The following DCLK3 variants were observed in gnomAD, a reference collection of about 807,000 sequenced individuals.
The protein encoded by DCLK3 is doublecortin like kinase 3, also known as serine/threonine-protein kinase DCLK3.
A neutral mutation model predicts 46.4 loss-of-function variants in DCLK3; 30 were observed. The ratio of observed to expected loss-of-function variants is 0.65; its 90% confidence interval spans 0.48 to 0.88. DCLK3 has a LOEUF of 0.88. DCLK3 is among the 40% of genes least tolerant of loss of function. The pLI, the probability that DCLK3 is intolerant of heterozygous loss-of-function variation, is 0.00. For missense variants in DCLK3, 846 were observed against 907.1 expected (o/e 0.93, Z 0.87); for synonymous variants, 401 against 339.2 (o/e 1.18, Z -2.00).
At chr3:36,748,096 A>G (rs571046574) in intron 1 of DCLK3, among the ~76,000 whole-genome samples, 1 of 152,314 alleles carries the variant, frequency 6.6e-6, no homozygotes, top group South Asian at 2.1e-4. Flanking sequence ...ACCCAAACTG[A>G]GACCCAGGAT....
At chr3:36,744,373 G>A (rs1207279689) in intron 1 of DCLK3, among the ~76,000 whole-genome samples, 1 of 152,236 alleles carries the variant, frequency 6.6e-6, no homozygotes, top group Non-Finnish European at 1.5e-5. Flanking sequence ...ATCTGCGACA[G>A]GAAATTTGAC....
At chr3:36,736,740 G>A (rs1035538752) in intron 2 of DCLK3, among the ~76,000 whole-genome samples, 11 of 152,184 alleles carry the variant, frequency 7.2e-5, no homozygotes, top group Admixed American at 5.9e-4. Flanking sequence ...AGCCTCATCG[G>A]CACTCCTTAC....
intron 1 of DCLK3, among the ~76,000 whole-genome samples, chr3:36,751,115 G>A (rs868488): frequency 0.78 from 113,231 of 145,966 alleles, 44,002 homozygotes; most frequent in Middle Eastern, 0.83. Context: ...GATTCCAAAC[G>A]AAGAAGAGTG....
intron 2 of DCLK3, among the ~76,000 whole-genome samples, chr3:36,734,292 G>A (rs573776575): frequency 5.3e-5 from 8 of 152,276 alleles, no homozygotes; most frequent in East Asian, 3.9e-4. Context: ...ACATCAGATA[G>A]CATTTAGACT....
chr3:36,720,008 G>T (rs1701035666), intron 3 of DCLK3, among the ~76,000 whole-genome samples: 1 of 152,176 alleles, frequency 6.6e-6, no homozygotes, highest in Non-Finnish European at 1.5e-5. Context: ...ATACGGTTTG[G>T]ATATTTGTCC....
chr3:36,738,207 G>A lies in DCLK3; in HGVS notation c.960C>T (p.Ser320=). Residue 320 remains serine, a synonymous_variant, in exon 2 of 5, where the codon AGC becomes AGT. Transcript: ENST00000636136. ...CCAGAGAAAGCCTCTCACGCTCCAG[G>A]CTCTGCTGGAGCTCCCTCTCTCTCT... The part of the protein sequence containing the change: ...KCKRERELQQ[S]LERERLSLGT... The A allele has an allele frequency of 1.2e-6, 2 of 1,610,668 alleles. No homozygotes were observed. Among genetic ancestry groups the A allele is most frequent in the Non-Finnish European group, 1.7e-6 (2 of 1,179,094 alleles).
rs756567806 is a variant in DCLK3 at position 36,715,543 on chromosome 3, A to G, written c.2261-22T>C. ...GCAGCTGTTGGAATGAGAGAAGGGG[A>G]AAATGTGATGAATGCAGGTGGTTCT... On this transcript the variant is annotated intron_variant, in intron 4 of 4. Coordinates refer to ENST00000636136, the MANE Select transcript of DCLK3 (RefSeq NM_001394672.2). The G allele has an allele frequency of 4.0e-6, 6 of 1,513,478 alleles. No individual in the cohort carries two copies. The South Asian group carries it at 6.7e-5, about 17-fold the overall frequency. 93.8% of individuals were successfully genotyped at this position (1,513,478 alleles called of 1,614,324 possible). A position where few individuals can be genotyped will look rare whatever the true frequency, so the allele number is the denominator to read the frequency against.
At chr3:36,746,382 T>C (rs1239750092) in intron 1 of DCLK3, among the ~76,000 whole-genome samples, 1 of 152,238 alleles carries the variant, frequency 6.6e-6, no homozygotes, top group Non-Finnish European at 1.5e-5. Flanking sequence ...ATCATGAGTT[T>C]TACGTACTGC....
chr3:36,764,333 G>C lies in DCLK3; in HGVS notation c.-70C>G. ...CGCGGGGACGCGGCTCGACGGTCGA[G>C]CAGGCGCGGGAAGGCGGGGCGAGAC... On this transcript the variant is annotated 5_prime_UTR_variant, in exon 1 of 5. Coordinates refer to ENST00000636136, the MANE Select transcript of DCLK3 (RefSeq NM_001394672.2). This position sits in a 1 kb window ranked among gnomAD's most constrained non-coding sequence, Gnocchi z 4.9. The C allele has an allele frequency of 9.4e-6, 2 of 213,110 alleles. No homozygotes were observed. Among genetic ancestry groups the C allele is most frequent in the Non-Finnish European group, 1.8e-5 (2 of 108,404 alleles). 13.2% of individuals were successfully genotyped at this position (213,110 alleles called of 1,614,324 possible).
At position 36,743,902 on chromosome 3, in the gene DCLK3, A is replaced by G. The variant is rs192196332; in HGVS notation, c.83-4818T>C. On this transcript the variant is annotated intron_variant, in intron 1 of 4. Transcript: ENST00000636136. ...CTTGTAAAGCCTAAGACCCATCTCT[A>G]CTCCCAAACCTTCTCTGTCCTCGTA... 2.6e-5 allele frequency among the ~76,000 whole-genome samples: 4 copies of G among 151,940 alleles called. No homozygotes were observed. The East Asian group carries it at 7.7e-4, about 29-fold the overall frequency.
At chr3:36,736,203 G>C (rs929897352) in intron 2 of DCLK3, among the ~76,000 whole-genome samples, 4 of 152,198 alleles carry the variant, frequency 2.6e-5, no homozygotes, top group African/African-American at 9.7e-5. Context: ...AGATGATTTT[G>C]GGGGAGGATT....
chr3:36,753,769 A>G (rs1159204083), intron 1 of DCLK3, among the ~76,000 whole-genome samples: 1 of 152,130 alleles, frequency 6.6e-6, no homozygotes, highest in Non-Finnish European at 1.5e-5. Flanking sequence ...TCTCCAGCTC[A>G]AGCAATTCTC....
chr3:36,744,465 G>A lies in DCLK3; in HGVS notation c.83-5381C>T, dbSNP rs1032592779. On this transcript the variant is annotated intron_variant, in intron 1 of 4. Transcript: ENST00000636136. ...CAGGTTGAGAAAGCTTTGTTTTAGC[G>A]CAAAGAACACTGACCATGGGTCAGA... is the stretch of plus-strand genomic sequence containing the variant. Among the ~76,000 whole-genome samples, 5 of 152,326 alleles carry A rather than the reference G, an allele frequency of 3.3e-5. No individual in the cohort carries two copies. The South Asian group carries it at 8.3e-4, about 25-fold the overall frequency.
chr3:36,730,102 C>G (rs1015954312), intron 2 of DCLK3, among the ~76,000 whole-genome samples: 1 of 151,842 alleles, frequency 6.6e-6, no homozygotes, highest in Admixed American at 6.6e-5. Context: ...GTCTGGAAGG[C>G]GGAGGTTGCA....
chr3:36,723,623 G>A (rs915763980), intron 2 of DCLK3, among the ~76,000 whole-genome samples: 3 of 152,186 alleles, frequency 2.0e-5, no homozygotes, highest in African/African-American at 7.2e-5. Context: ...TGGCTGAAAG[G>A]GGCAAACGTA....
chr3:36,723,760 A>C (rs946547743), intron 2 of DCLK3, among the ~76,000 whole-genome samples: 2 of 152,194 alleles, frequency 1.3e-5, no homozygotes, highest in African/African-American at 2.4e-5. Flanking sequence ...GATGTATGCA[A>C]ACGCCTGGAT....
At position 36,718,082 on chromosome 3, in the gene DCLK3, C is replaced by T. The variant is rs1368320976; in HGVS notation, c.2188G>A (p.Asp730Asn). The change falls in exon 4 of 5, where the codon GAC (aspartate) becomes AAC (asparagine). Residue 730 changes from aspartate (D) to asparagine (N), a missense_variant. Asp to Asn is a conservative substitution (Grantham distance 23). Around this residue, in one of 3 missense-constraint regions of DCLK3, gnomAD observed 247 missense variants for 322.8 expected, o/e 0.77. Transcript: ENST00000636136. ...AGCTGGATGATGTTAAAGAGCTCGT[C>T]CTGGTCCCTCTCAGGGCTGCGGAAT... is the stretch of plus-strand genomic sequence containing the variant. ...PPFRSPERDQ[D>N]ELFNIIQLGH... The T allele has an allele frequency of 1.2e-6, 2 of 1,614,010 alleles. No homozygotes were observed. The highest frequency in any genetic ancestry group is 1.7e-5 in the Admixed American group (1 of 59,988).
intron 2 of DCLK3, among the ~76,000 whole-genome samples, chr3:36,726,377 T>C (rs778807566): frequency 3.3e-5 from 5 of 151,892 alleles, no homozygotes; most frequent in African/African-American, 4.8e-5. Flanking sequence ...GGCAATCTTA[T>C]CCAAGCAGGA....
At chr3:36,715,826 G>T (rs13074517) in intron 4 of DCLK3, among the ~76,000 whole-genome samples, 48,793 of 152,100 alleles carry the variant, frequency 0.32, 9,080 homozygotes, top group East Asian at 0.55. Flanking sequence ...AGGGAGGGGG[G>T]TTACCATGTT....
Sources: allele counts gnomAD v4.1 joint callset (sites outside exome capture counted in the v4.1 genomes callset), GRCh38; gene constraint gnomAD v4.1.1; regional missense constraint gnomAD v4.1.1; non-coding constraint Gnocchi (gnomAD v3.1); transcripts MANE v1.5; gene names NCBI Gene and HGNC (gene_info 2026-07-23, HGNC 2026-07-21).